The following MACF1 variants were observed in gnomAD, a reference collection of about 807,000 sequenced individuals.
MACF1 encodes the protein microtubule-actin cross-linking factor 1.
MACF1 carries 193 observed loss-of-function variants against 854.8 expected under a neutral mutation model. That is an observed-to-expected ratio of 0.23 (90% CI 0.20 to 0.25). MACF1 has a LOEUF of 0.25. Among genes scored for constraint, MACF1 ranks in the 10% least tolerant of loss-of-function variants. The probability of loss-of-function intolerance (pLI) is 1.00; values close to 1 mark genes in which losing one functional copy is unlikely to be tolerated. For missense variants in MACF1, 7,722 were observed against 8,929.1 expected (o/e 0.86, Z 5.45); for synonymous variants, 3,185 against 3,226.7 (o/e 0.99, Z 0.44).
chr1:39,306,976 G>A (rs1411600902), intron 23 of MACF1, among the ~76,000 whole-genome samples: 1 of 151,724 alleles, frequency 6.6e-6, no homozygotes, highest in Non-Finnish European at 1.5e-5. Context: ...CTGGGCTCAA[G>A]TGATTCTCCT....
At position 39,287,070 on chromosome 1, in the gene MACF1, C is replaced by T. The variant is rs1295715414; in HGVS notation, c.1509-216C>T. On this transcript the variant is annotated intron_variant, in intron 14 of 100. Transcript: ENST00000564288. Reference sequence around the variant, plus strand: ...CCGCCTCCTGAGTTCAAGCAATTCTCCTACCTCAGCCTCCTGAGTAGCTGG... The same window carrying T: ...CCGCCTCCTGAGTTCAAGCAATTCTTCTACCTCAGCCTCCTGAGTAGCTGG... 2.0e-5 allele frequency among the ~76,000 whole-genome samples: 3 copies of T among 151,988 alleles called. 1 individual carries two copies. Among genetic ancestry groups the T allele is most frequent in the South Asian group, 4.2e-4 (2 of 4,814 alleles).
intron 84 of MACF1, 59 bp downstream of exon 84, chr1:39,448,822 A>C: frequency 7.2e-7 from 1 of 1,398,426 alleles, no homozygotes; most frequent in South Asian, 1.6e-5. Flanking sequence ...AGAGGTTCTT[A>C]CCAGATTCTA....
At chr1:39,156,808 A>G (rs1643697846) in intron 2 of MACF1, among the ~76,000 whole-genome samples, 1 of 152,178 alleles carries the variant, frequency 6.6e-6, no homozygotes, top group Non-Finnish European at 1.5e-5. Flanking sequence ...TTGCCTATCA[A>G]GTTGCATTTT....
chr1:39,430,514 A>C (rs541893541), intron 65 of MACF1, among the ~76,000 whole-genome samples, 188 bp from the exon 66 acceptor site: 1 of 152,286 alleles, frequency 6.6e-6, no homozygotes, highest in South Asian at 2.1e-4. Flanking sequence ...AGTTCTAAGC[A>C]AGCAACAATG....
Position 39,388,255 on chromosome 1 carries a change from T to C in MACF1, c.15413T>C (p.Leu5138Pro). 6.2e-7 allele frequency: 1 copy of C among 1,614,212 alleles called. No individual in the cohort carries two copies. Among genetic ancestry groups the C allele is most frequent in the Non-Finnish European group, 8.5e-7 (1 of 1,180,028 alleles). Residue 5138 changes from leucine to proline, a missense_variant, in exon 58 of 101, where the codon CTG becomes CCG. Physicochemically the swap from Leu to Pro is moderately conservative, Grantham distance 98. Around this residue, in one of 15 missense-constraint regions of MACF1, gnomAD observed 2,807 missense variants for 3,235.8 expected, o/e 0.87. Coordinates refer to ENST00000564288, the MANE Select transcript of MACF1 (RefSeq NM_001394062.1). ...GAGATGTTCTCTCAATTGGCAGACC[T>C]GGATGATGAGCTAGATGGCATGGGT... is the stretch of plus-strand genomic sequence containing the variant. The part of the protein sequence containing the change: ...VREMFSQLAD[L>P]DDELDGMGAI...
At chr1:39,227,512 C>T (rs1644730148) in intron 1 of MACF1, among the ~76,000 whole-genome samples, 1 of 152,084 alleles carries the variant, frequency 6.6e-6, no homozygotes, top group Non-Finnish European at 1.5e-5. Flanking sequence ...GAGTGATTAG[C>T]CCAGTAAGTA....
intron 65 of MACF1, 47 bp downstream of exon 65, chr1:39,430,115 T>A: frequency 6.4e-7 from 1 of 1,571,986 alleles, no homozygotes; most frequent in Non-Finnish European, 8.6e-7. Context: ...TTCCTCTTTG[T>A]CAGAATCCTT....
At chr1:39,212,410 C>G (rs1047758745) in intron 1 of MACF1, among the ~76,000 whole-genome samples, 1 of 152,082 alleles carries the variant, frequency 6.6e-6, no homozygotes, top group Non-Finnish European at 1.5e-5. Context: ...AAGACTCTAC[C>G]CTACTTTTCT....
chr1:39,374,954 C>T (rs1176615696), intron 52 of MACF1, among the ~76,000 whole-genome samples: 1 of 151,840 alleles, frequency 6.6e-6, no homozygotes, highest in African/African-American at 2.4e-5. Context: ...ACTAAAAATA[C>T]AAAAAGTTAG....
Position 39,460,893 on chromosome 1 carries a change from C to T in MACF1, c.21523+99C>T, listed in dbSNP as rs1283763648. On this transcript the variant is annotated intron_variant, in intron 92 of 100. Transcript: ENST00000564288. This position sits in a 1 kb window ranked among gnomAD's most constrained non-coding sequence, Gnocchi z 4.1. ...GCTAAACAGTCTTTCTGAAGCTGGCCAGGAGCTTGGCTCACACCTGTAATT... is the reference window on the plus strand; with the variant it reads ...GCTAAACAGTCTTTCTGAAGCTGGCTAGGAGCTTGGCTCACACCTGTAATT... The T allele has an allele frequency of 4.4e-5, 62 of 1,414,832 alleles. 1 individual carries two copies. In the South Asian group the frequency reaches 7.1e-4, roughly 16 times the overall value. 87.6% of individuals were successfully genotyped at this position (1,414,832 alleles called of 1,614,324 possible).
At position 39,485,926 on chromosome 1, in the gene MACF1, ATTTT is replaced by A. The variant is rs1645096082; in HGVS notation, c.*137_*140del. On this transcript the variant is annotated 3_prime_UTR_variant, in exon 101 of 101. Coordinates refer to ENST00000564288, the MANE Select transcript of MACF1 (RefSeq NM_001394062.1). ...AATAATTGTGTTATGAAGCTGCCTT[ATTTT>A]TTTTCTTTTTGTAAGTTACTATTTT... is the stretch of plus-strand genomic sequence containing the variant. 2 of 1,068,956 alleles carry A rather than the reference ATTTT, an allele frequency of 1.9e-6. No homozygotes were observed. Among genetic ancestry groups the A allele is most frequent in the South Asian group, 7.1e-5 (2 of 28,128 alleles). 66.2% of individuals were successfully genotyped at this position (1,068,956 alleles called of 1,614,324 possible). A position where few individuals can be genotyped will look rare whatever the true frequency, so the allele number is the denominator to read the frequency against.
Position 39,219,076 on chromosome 1 carries a change from C to T in MACF1, c.110-12106C>T, listed in dbSNP as rs138237429. On this transcript the variant is annotated intron_variant, in intron 1 of 100. Transcript: ENST00000564288. ...GATTACAGGCATGAGCCATCACACC[C>T]GGCAGAAATAAGGTAGAATTTTAAT... Among the ~76,000 whole-genome samples, 130 of 152,300 alleles carry T rather than the reference C, an allele frequency of 8.5e-4. 4 individuals carry two copies. In the East Asian group the frequency reaches 0.019, roughly 23 times the overall value.
At position 39,448,672 on chromosome 1, in the gene MACF1, A is replaced by T. The variant is rs1644275364; in HGVS notation, c.20167A>T (p.Thr6723Ser). 3 of 1,613,316 alleles carry T rather than the reference A, an allele frequency of 1.9e-6. No homozygotes were observed. The African/African-American group carries it at 4.0e-5, about 22-fold the overall frequency. The part of the protein sequence containing the change: ...IRTGRALKEK[T>S]LLPEDSQKLD... ...AACTGGCAGAGCACTGAAAGAAAAG[A>T]CTTTGCTTCCCGAAGATAGTCAGAA... The change falls in exon 84 of 101, where the codon ACT becomes TCT. Residue 6723 changes from threonine (T) to serine (S), a missense_variant. Physicochemically the swap from Thr to Ser is moderately conservative, Grantham distance 58. Transcript: ENST00000564288.
chr1:39,377,733 G>A (rs116815558), intron 52 of MACF1, among the ~76,000 whole-genome samples: 3 of 152,170 alleles, frequency 2.0e-5, no homozygotes, highest in African/African-American at 7.2e-5. Flanking sequence ...GCCAGGCACG[G>A]TGACTCATGC....
At chr1:39,329,244 T>C (rs1485947379) in intron 36 of MACF1, among the ~76,000 whole-genome samples, 1 of 152,216 alleles carries the variant, frequency 6.6e-6, no homozygotes, top group Non-Finnish European at 1.5e-5. Context: ...ATTCCATTGA[T>C]TGAACACATA....
chr1:39,437,501 G>A (rs907511056), intron 70 of MACF1, among the ~76,000 whole-genome samples: 2 of 151,664 alleles, frequency 1.3e-5, no homozygotes, highest in African/African-American at 2.4e-5. Context: ...TAGTAGGGAC[G>A]GCGTTTCACC....
At chr1:39,377,315 T>A (rs898437114) in intron 52 of MACF1, among the ~76,000 whole-genome samples, 3 of 152,114 alleles carry the variant, frequency 2.0e-5, no homozygotes, top group Non-Finnish European at 4.4e-5. Flanking sequence ...CCCGGCCAAC[T>A]ATTTTGTAAT....
In MACF1 at chr1:39,105,582, C is replaced by T; in HGVS notation, c.220+21144C>T. 1 of 1,191,416 alleles carries T rather than the reference C, an allele frequency of 8.4e-7. No individual in the cohort carries two copies. The highest frequency in any genetic ancestry group is 1.1e-6 in the Non-Finnish European group (1 of 939,160). 73.8% of individuals were successfully genotyped at this position (1,191,416 alleles called of 1,614,324 possible). ...CCGCCTCAGCGCGCGGGCCTGGAAC[C>T]GGCAGCCCCCGGGGCTCGGCGAGAA... On this transcript the variant is annotated intron_variant, in intron 2 of 93. Coordinates refer to the MACF1 transcript ENST00000361689. The surrounding 1 kb of genome is among the most constrained non-coding windows in gnomAD (Gnocchi z 5.9).
chr1:39,455,155 C>T (rs986253130), intron 89 of MACF1, 58 bp downstream of exon 89: 2 of 1,518,862 alleles, frequency 1.3e-6, no homozygotes, highest in Admixed American at 1.7e-5. Flanking sequence ...TGGAGACCAT[C>T]TCTGTTGCCC....
Sources: gnomAD v4.1 joint callset for allele counts (sites outside exome capture counted in the v4.1 genomes callset) on GRCh38, gnomAD v4.1.1 for gene constraint, gnomAD v4.1.1 regional missense constraint, Gnocchi (gnomAD v3.1) non-coding constraint, MANE v1.5 for transcripts, NCBI Gene and HGNC (gene_info 2026-07-23, HGNC 2026-07-21) for gene names.